DNAI4: variants seen among roughly 807,000 people sequenced by gnomAD.
DNAI4 encodes the protein WD repeat domain 78.
In DNAI4, 85 loss-of-function variants were observed where a neutral mutation model predicts 105.8. That is an observed-to-expected ratio of 0.80 (90% CI 0.67 to 0.96). The LOEUF (loss-of-function observed/expected upper bound fraction) is 0.96, where lower values mean the gene tolerates loss of function less well. DNAI4 is among the 40% of genes least tolerant of loss of function. The pLI is 0.00. For missense variants in DNAI4, 1,014 were observed against 1,005.6 expected (o/e 1.01, Z -0.11); for synonymous variants, 352 against 331.5 (o/e 1.06, Z -0.67).
intron 6 of DNAI4, among the ~76,000 whole-genome samples, chr1:66,869,124 T>C (rs1242532119): frequency 2.6e-5 from 4 of 150,956 alleles, no homozygotes; most frequent in Non-Finnish European, 5.9e-5. Context: ...TGAATATATA[T>C]ATATATATAC....
chr1:66,837,368 A>AC (rs1462794690), intron 10 of DNAI4, among the ~76,000 whole-genome samples: 1 of 151,272 alleles, frequency 6.6e-6, no homozygotes, highest in East Asian at 1.9e-4. Flanking sequence ...CTGTCTCAAA[A>AC]AAAAAAAAAA....
rs1363213870 is a variant in DNAI4, at chr1:66,893,013, G to GA, written c.530+215_530+216insT. Among the ~76,000 whole-genome samples, 132 of 106,662 alleles carry GA rather than the reference G, an allele frequency of 1.2e-3. 1 individual carries two copies. Among genetic ancestry groups the GA allele is most frequent in the African/African-American group, 5.0e-3 (130 of 25,978 alleles). The allele number at this position is 106,662 out of a possible 152,430, so 70.0% of individuals were successfully genotyped here. A position where few individuals can be genotyped will look rare whatever the true frequency, so the allele number is the denominator to read the frequency against. The stretch of plus-strand genomic sequence containing the variant: ...AGAAAGAAAGAGAGAAAGAGAGAGA[G>GA]GAAAGAAAGAAAGAAAGAGAGGAAA... On this transcript the variant is annotated intron_variant, in intron 3 of 16. Transcript: ENST00000371026.
intron 2 of DNAI4, among the ~76,000 whole-genome samples, chr1:66,903,219 T>C (rs1648970124): frequency 6.6e-6 from 1 of 152,228 alleles, no homozygotes; most frequent in African/African-American, 2.4e-5. Context: ...CTTTCTTTTG[T>C]GTTTTGTAGT....
Position 66,905,263 on chromosome 1 carries a change from C to T in DNAI4, c.283G>A (p.Val95Met), listed in dbSNP as rs141283758. 1,269 of 1,579,224 alleles carry T rather than the reference C, an allele frequency of 8.0e-4. 7 individuals are homozygous for T. The African/African-American group carries it at 0.013, about 16-fold the overall frequency. ...GTTTTCAGTTCAGGTGGAATAAGCA[C>T]GGTTTTGGACACAGCCATTCTGCTT... ...NQSRMAVSKT[V>M]LIPPELKTVE... Residue 95 changes from valine to methionine, a missense_variant, in exon 2 of 17, where the codon GTG (valine) becomes ATG (methionine). Physicochemically the swap from Val to Met is conservative, Grantham distance 21. Transcript: ENST00000371026.
intron 8 of DNAI4, among the ~76,000 whole-genome samples, chr1:66,845,555 A>T (rs759966518): frequency 1.8e-4 from 27 of 152,226 alleles, no homozygotes; most frequent in Non-Finnish European, 3.1e-4. Context: ...AGTCTCACAC[A>T]AAAATGTTTG....
intron 14 of DNAI4, 92 bp from the exon 15 acceptor site, chr1:66,827,138 A>G: frequency 9.2e-7 from 1 of 1,088,258 alleles, no homozygotes; most frequent in South Asian, 1.6e-5. Context: ...AGATTTCTAG[A>G]TTTTCACACT....
At chr1:66,871,105 A>G in intron 6 of DNAI4, 1 of 372,828 alleles carries the variant, frequency 2.7e-6, no homozygotes, top group East Asian at 4.0e-5. Flanking sequence ...TAATCAGTTT[A>G]TATAAACGTT....
At position 66,924,715 on chromosome 1, in the gene DNAI4, G is replaced by C. The variant is rs773283184; in HGVS notation, c.117C>G (p.Val39=). The C allele has an allele frequency of 1.2e-6, 2 of 1,614,160 alleles. No individual in the cohort carries two copies. Among genetic ancestry groups the C allele is most frequent in the East Asian group, 2.2e-5 (1 of 44,864 alleles). Residue 39 remains valine, a synonymous_variant, in exon 1 of 17, where the codon GTC becomes GTG. Transcript: ENST00000371026. The part of the protein sequence containing the change: ...KKGWCTTPQL[V]ATMPVSPAGS... Reference sequence around the variant, plus strand: ...CTGCCGGAGAGACTGGCATGGTGGCGACCAGCTGGGGAGTGGTGCACCACC... The same window carrying C: ...CTGCCGGAGAGACTGGCATGGTGGCCACCAGCTGGGGAGTGGTGCACCACC...
intron 4 of DNAI4, among the ~76,000 whole-genome samples, chr1:66,877,055 T>C (rs1267984113): frequency 6.6e-6 from 1 of 152,202 alleles, no homozygotes; most frequent in Non-Finnish European, 1.5e-5. Context: ...CCTTATCATA[T>C]TTTTCAATTA....
At chr1:66,877,977 C>A (rs1429484959) in intron 4 of DNAI4, among the ~76,000 whole-genome samples, 7 of 152,134 alleles carry the variant, frequency 4.6e-5, no homozygotes, top group Non-Finnish European at 8.8e-5. Flanking sequence ...GGCCACCTGT[C>A]AATATCCTCT....
Position 66,893,111 on chromosome 1 carries a change from AAGAAAG to A in DNAI4, c.530+112_530+117del, listed in dbSNP as rs1331978898. 2.2e-5 allele frequency: 11 copies of A among 496,778 alleles called. No individual in the cohort carries two copies. The East Asian group carries it at 3.3e-4, about 15-fold the overall frequency. The allele number at this position is 496,778 out of a possible 1,614,324, so 30.8% of individuals were successfully genotyped here. ...AAAGAAAGAAAGAAAGAAAGAAAGA[AAGAAAG>A]AAAGAAACTGGGAGACTGGAGACAA... On this transcript the variant is annotated intron_variant, in intron 3 of 16. Coordinates refer to ENST00000371026, the MANE Select transcript of DNAI4 (RefSeq NM_024763.5).
intron 4 of DNAI4, among the ~76,000 whole-genome samples, chr1:66,889,590 C>A (rs1647422509): frequency 1.3e-5 from 2 of 152,130 alleles, no homozygotes. Context: ...TTACATCCCC[C>A]AACATCAGAA....
At chr1:66,887,962 A>G (rs1231704201) in intron 4 of DNAI4, among the ~76,000 whole-genome samples, 1 of 152,156 alleles carries the variant, frequency 6.6e-6, no homozygotes, top group Non-Finnish European at 1.5e-5. Context: ...TTGTCTCAAA[A>G]AAAAAAATCT....
rs12061449 is a variant in DNAI4 at position 66,893,049 on chromosome 1, A to G, written c.530+180T>C. On this transcript the variant is annotated intron_variant, in intron 3 of 16. Transcript: ENST00000371026. ...AAGAAAGAGAGGAAAGAAAGAAAGA[A>G]AGAAAGAGAGAGAGAGAAAGAAAGA... Among the ~76,000 whole-genome samples the G allele has an allele frequency of 3.2e-3, 372 of 115,770 alleles. 7 individuals carry two copies. Among genetic ancestry groups the G allele is most frequent in the African/African-American group, 0.013 (353 of 26,820 alleles). The allele number at this position is 115,770 out of a possible 152,430, so 75.9% of individuals were successfully genotyped here.
At position 66,914,615 on chromosome 1, in the gene DNAI4, G is replaced by A. The variant is rs1271978219; in HGVS notation, c.171-9240C>T. Among the ~76,000 whole-genome samples the A allele has an allele frequency of 1.3e-5, 2 of 151,430 alleles. 1 individual carries two copies. ...TTGCTATCTGACTTTCACCTGAGTT[G>A]TTTCCTTTAACATGCACATTTAAGG... is the stretch of plus-strand genomic sequence containing the variant. On this transcript the variant is annotated intron_variant, in intron 1 of 16. Coordinates refer to ENST00000371026, the MANE Select transcript of DNAI4 (RefSeq NM_024763.5).
rs145865578 is a variant in DNAI4, at chr1:66,886,333, G to T, written c.643+4821C>A. Among the ~76,000 whole-genome samples the T allele has an allele frequency of 1.6e-3, 242 of 152,054 alleles. 1 individual carries two copies. The East Asian group carries it at 0.031, about 19-fold the overall frequency. Reference sequence around the variant, plus strand: ...TTTAAATTTGTATCATAACAGCCTGGGTTTGATGCTTGCTTGATCTCTTGA... The same window carrying T: ...TTTAAATTTGTATCATAACAGCCTGTGTTTGATGCTTGCTTGATCTCTTGA... On this transcript the variant is annotated intron_variant, in intron 4 of 16. Transcript: ENST00000371026.
At chr1:66,849,559 A>T (rs1475140397) in intron 7 of DNAI4, among the ~76,000 whole-genome samples, 2 of 152,236 alleles carry the variant, frequency 1.3e-5, no homozygotes, top group Non-Finnish European at 2.9e-5. Context: ...AATGGAAAAA[A>T]GCCCCTATAC....
chr1:66,832,959 A>G (rs1645898628), intron 13 of DNAI4, among the ~76,000 whole-genome samples: 2 of 152,208 alleles, frequency 1.3e-5, no homozygotes, highest in South Asian at 4.1e-4. Context: ...ATTGAAATGT[A>G]GAAGACTATA....
At chr1:66,848,192 T>G in intron 7 of DNAI4, 1 of 456,234 alleles carries the variant, frequency 2.2e-6, no homozygotes, top group Non-Finnish European at 4.4e-6. Flanking sequence ...AGAATTTGTT[T>G]CCTTGATTTT....
Sources: allele counts gnomAD v4.1 joint callset (sites outside exome capture counted in the v4.1 genomes callset), GRCh38; gene constraint gnomAD v4.1.1; transcripts MANE v1.5; gene names NCBI Gene and HGNC (gene_info 2026-07-23, HGNC 2026-07-21).